OTOG: variants seen among roughly 807,000 people sequenced by gnomAD.
OTOG encodes otogelin.
OTOG carries 296 observed loss-of-function variants against 313.8 expected under a neutral mutation model. That is an observed-to-expected ratio of 0.94 (90% CI 0.86 to 1.04). The LOEUF is 1.04. Among genes scored for constraint, OTOG ranks in the 50% least tolerant of loss-of-function variants. The pLI is 0.00. For synonymous variants in OTOG, 1,533 were observed against 1,554.9 expected, an observed-to-expected ratio of 0.99 and a Z score of 0.33; for missense variants, 3,948 against 3,840.1, an observed-to-expected ratio of 1.03 and a Z score of -0.74.
intron 15 of OTOG, among the ~76,000 whole-genome samples, chr11:17,568,097 TG>T (rs1431167223): frequency 7.8e-6 from 1 of 127,610 alleles, no homozygotes; most frequent in South Asian, 2.5e-4. Flanking sequence ...TCAGTGGAGA[TG>T]GGGTTTCACC....
At chr11:17,642,992 C>T (rs1305541694) in intron 53 of OTOG, among the ~76,000 whole-genome samples, 1 of 152,168 alleles carries the variant, frequency 6.6e-6, no homozygotes, top group Non-Finnish European at 1.5e-5. Context: ...TTGTTTTACC[C>T]ATTTCATTAT....
chr11:17,626,895 C>T (rs1391295444), intron 39 of OTOG, among the ~76,000 whole-genome samples: 1 of 152,086 alleles, frequency 6.6e-6, no homozygotes, highest in African/African-American at 2.4e-5. Context: ...AATGGGATTA[C>T]TTTTTAAATT....
intron 23 of OTOG, among the ~76,000 whole-genome samples, chr11:17,583,764 TTTATC>T (rs769675981): frequency 6.6e-5 from 10 of 152,184 alleles, no homozygotes; most frequent in Non-Finnish European, 1.2e-4. Context: ...TTCTTCAACT[TTTATC>T]TTTTCTTTCA....
At chr11:17,635,584 A>T (rs1325933855) in intron 46 of OTOG, 26 bp from the exon 47 acceptor site, 1 of 1,529,092 alleles carries the variant, frequency 6.5e-7, no homozygotes, top group African/African-American at 1.4e-5. Context: ...GACTGCTGTG[A>T]CAGCATTGAC....
In OTOG at chr11:17,591,478, A is replaced by T. The variant is rs1218659615; in HGVS notation, c.2896A>T (p.Thr966Ser). 1 of 1,550,546 alleles carries T rather than the reference A, an allele frequency of 6.4e-7. No homozygotes were observed. Among genetic ancestry groups the T allele is most frequent in the Admixed American group, 2.0e-5 (1 of 50,990 alleles). ...CVCQRGSFQC[T>S]LHPCASTCTA... ...GTGCCAGCGGGGCTCATTCCAGTGC[A>T]CCCTGCACCCTTGCGCCTCCACCTG... The change falls in exon 25 of 56, where the codon ACC (threonine) becomes TCC (serine). Residue 966 changes from threonine (T) to serine (S), a missense_variant. Coordinates refer to ENST00000399397, the MANE Select transcript of OTOG (RefSeq NM_001292063.2).
rs746917971 is a variant in OTOG at position 17,632,185 on chromosome 11, A to G, written c.7031A>G (p.Lys2344Arg). 2 of 1,551,100 alleles carry G rather than the reference A, an allele frequency of 1.3e-6. No homozygotes were observed. The highest frequency in any genetic ancestry group is 1.2e-5 in the South Asian group (1 of 84,060). The change falls in exon 42 of 56, where the codon AAA becomes AGA. Residue 2344 changes from lysine to arginine, a missense_variant. Lys to Arg is a conservative substitution (Grantham distance 26). Transcript: ENST00000399397. The part of the protein sequence containing the change: ...ALTVYVAMCH[K>R]FHVCIEWRRS... ...ACTGTGTACGTGGCCATGTGCCACA[A>G]ATTTCATGTGTGCATCGAGTGGCGG...
At chr11:17,568,350 G>T (rs1852333625) in intron 15 of OTOG, among the ~76,000 whole-genome samples, 1 of 152,164 alleles carries the variant, frequency 6.6e-6, no homozygotes, top group Admixed American at 6.5e-5. Context: ...GTATTATTAT[G>T]ATAATTTTAT....
rs1274001468 is a variant in OTOG, at chr11:17,596,161, G to C, written c.3525+7G>C. The C allele has an allele frequency of 6.5e-7, 1 of 1,542,152 alleles. No homozygotes were observed. Reference sequence around the variant, plus strand: ...TGAGATCTGCCACCCTGTGGTGAGTGTACCCCAGCCTCGGCTCCTCCCGAG... The same window carrying C: ...TGAGATCTGCCACCCTGTGGTGAGTCTACCCCAGCCTCGGCTCCTCCCGAG... On this transcript the variant is annotated splice_region_variant and intron_variant, in intron 29 of 55. Coordinates refer to ENST00000399397, the MANE Select transcript of OTOG (RefSeq NM_001292063.2).
chr11:17,566,241 C>T (rs1456423052), intron 15 of OTOG, among the ~76,000 whole-genome samples: 1 of 152,090 alleles, frequency 6.6e-6, no homozygotes, highest in East Asian at 1.9e-4. Context: ...TACCTTAAAT[C>T]CTTGCTAGAT....
At chr11:17,639,385 C>A (rs891296877) in intron 48 of OTOG, 38 bp from the exon 49 acceptor site, 15 of 1,549,842 alleles carry the variant, frequency 9.7e-6, no homozygotes, top group Non-Finnish European at 1.2e-5. Flanking sequence ...ACCTGGACAT[C>A]CCTGATGAAG....
chr11:17,574,503 A>C (rs1436421001), intron 19 of OTOG, among the ~76,000 whole-genome samples: 2 of 152,126 alleles, frequency 1.3e-5, no homozygotes, highest in African/African-American at 4.8e-5. Flanking sequence ...AGAAGGACCC[A>C]CCTGCTGCTT....
rs1371276678 is a variant in OTOG, at chr11:17,574,801, A to C, written c.2375A>C (p.Glu792Ala). ...ACCTGCCAGGACCTGGCCAGCCCTGAGGCCTGTGGGGTTGATGGTGGCGAT... is the reference window on the plus strand; with the variant it reads ...ACCTGCCAGGACCTGGCCAGCCCTGCGGCCTGTGGGGTTGATGGTGGCGAT... ...GRTCQDLASP[E>A]ACGVDGGDDL... The change falls in exon 20 of 56, where the codon GAG becomes GCG. Residue 792 changes from glutamate to alanine, a missense_variant. Transcript: ENST00000399397. 1 of 1,550,564 alleles carries C rather than the reference A, an allele frequency of 6.4e-7. No homozygotes were observed.
At chr11:17,555,215 G>A (rs1852029483) in intron 6 of OTOG, among the ~76,000 whole-genome samples, 1 of 151,678 alleles carries the variant, frequency 6.6e-6, no homozygotes, top group African/African-American at 2.4e-5. Flanking sequence ...AGATGTGTGT[G>A]TGTGTGTGTG....
intron 7 of OTOG, 106 bp downstream of exon 7, chr11:17,556,003 G>A (rs1852051246): frequency 5.8e-6 from 5 of 866,816 alleles, no homozygotes; most frequent in Non-Finnish European, 7.2e-6. Flanking sequence ...GTTTTCTGGG[G>A]ACAAACAGCA....
chr11:17,572,286 G>A, intron 18 of OTOG, 82 bp downstream of exon 18: 1 of 1,516,910 alleles, frequency 6.6e-7, no homozygotes, highest in Non-Finnish European at 8.9e-7. Flanking sequence ...GGGAACTCCG[G>A]GCAGGAGAGT....
chr11:17,602,177 G>C, intron 31 of OTOG, 33 bp from the exon 32 acceptor site: 1 of 1,547,752 alleles, frequency 6.5e-7, no homozygotes, highest in Middle Eastern at 2.1e-4. Flanking sequence ...CAGGCCATGG[G>C]GCCAGGTTGC....
intron 25 of OTOG, 121 bp from the exon 26 acceptor site, chr11:17,593,072 G>C (rs1852988543): frequency 9.6e-7 from 1 of 1,044,924 alleles, no homozygotes; most frequent in Non-Finnish European, 1.3e-6. Flanking sequence ...ACACAGCTCA[G>C]CTAACACAAA....
At chr11:17,549,246 C>G (rs1184834316) in intron 3 of OTOG, among the ~76,000 whole-genome samples, 1 of 152,212 alleles carries the variant, frequency 6.6e-6, no homozygotes, top group East Asian at 1.9e-4. Flanking sequence ...AGCAGCTGAG[C>G]CTCAGCTCAA....
At chr11:17,552,617 T>TCACCTGTACTGTGTCCCC (rs1851968311) in intron 4 of OTOG, among the ~76,000 whole-genome samples, 2 of 151,322 alleles carry the variant, frequency 1.3e-5, no homozygotes, top group Admixed American at 6.6e-5. Context: ...ACCTGTCCTC[T>TCACCTGTACTGTGTCCCC]CACATCATGG....
Sources: allele counts gnomAD v4.1 joint callset (sites outside exome capture counted in the v4.1 genomes callset), GRCh38; gene constraint gnomAD v4.1.1; transcripts MANE v1.5; gene names NCBI Gene and HGNC (gene_info 2026-07-23, HGNC 2026-07-21).